Variants in CCDC144A observed in about 807,000 individuals in gnomAD.
CCDC144A encodes coiled-coil domain-containing protein 144A.
CCDC144A carries 41 observed loss-of-function variants against 143.8 expected under a neutral mutation model. The ratio of observed to expected loss-of-function variants is 0.29; its 90% CI spans 0.22 to 0.37. CCDC144A has a LOEUF of 0.37. CCDC144A is among the 10% of genes least tolerant of loss of function. The pLI is 1.00. For missense variants in CCDC144A, 637 were observed against 1,488.8 expected (o/e 0.43, Z 9.41); for synonymous variants, 242 against 517.9 (o/e 0.47, Z 7.23).
At chr17:16,716,776 G>T (rs2143160076) in intron 6 of CCDC144A, among the ~76,000 whole-genome samples, 1 of 150,370 alleles carries the variant, frequency 6.7e-6, no homozygotes, top group East Asian at 1.9e-4. Context: ...AGTTTCATGT[G>T]TGAGAGTCAT....
At chr17:16,669,633 T>G in the CCDC144A span, among the ~76,000 whole-genome samples, 1 of 152,206 alleles carries the variant, frequency 6.6e-6, no homozygotes, top group African/African-American at 2.4e-5. Flanking sequence ...AGGTAGATAG[T>G]GTGACTAACC....
At chr17:16,703,619 A>G (rs1227045199) in intron 2 of CCDC144A, among the ~76,000 whole-genome samples, 3 of 151,978 alleles carry the variant, frequency 2.0e-5, no homozygotes, top group South Asian at 2.1e-4. Flanking sequence ...CCTGGCTAAC[A>G]CGGTGAAACC....
At chr17:16,671,939 C>G in the CCDC144A span, among the ~76,000 whole-genome samples, 222 of 152,134 alleles carry the variant, frequency 1.5e-3, 1 homozygote, top group African/African-American at 5.1e-3. Context: ...GTTAAAGGAT[C>G]TATAAATGAT....
chr17:16,718,932 G>A lies in CCDC144A; in HGVS notation c.1716-1266G>A, dbSNP rs3114300. Among the ~76,000 whole-genome samples the A allele has an allele frequency of 6.6e-3, 742 of 111,956 alleles. 6 individuals carry two copies. Among genetic ancestry groups the A allele is most frequent in the African/African-American group, 0.017 (381 of 22,106 alleles). 73.4% of individuals were successfully genotyped at this position (111,956 alleles called of 152,430 possible). On this transcript the variant is annotated intron_variant, in intron 6 of 16. Transcript: ENST00000399273. ...CTGCAACCTCCACTTCCCAGGTTCA[G>A]GCGATTCTCCTGTCTCAGCCTCCTG...
chr17:16,753,699 G>A (rs2173559), intron 12 of CCDC144A, among the ~76,000 whole-genome samples: 3 of 152,154 alleles, frequency 2.0e-5, no homozygotes, highest in Non-Finnish European at 4.4e-5. Context: ...CTGTATATGA[G>A]ATCAGGTCAT....
chr17:16,711,843 G>A lies in CCDC144A; in HGVS notation c.1715+28G>A. On this transcript the variant is annotated intron_variant, in intron 6 of 16. Coordinates refer to ENST00000399273, the MANE Select transcript of CCDC144A (RefSeq NM_001382000.1). ...AAGCCTATAGCAGCGTTTAACAGGA[G>A]ACAATTGGTCAAGCGTGGTGGCTCA... 1.9e-6 allele frequency: 3 copies of A among 1,577,466 alleles called. No individual in the cohort carries two copies. The Admixed American group carries it at 5.7e-5, about 30-fold the overall frequency.
intron 6 of CCDC144A, among the ~76,000 whole-genome samples, chr17:16,716,812 GTTT>G (rs1281244236): frequency 2.3e-5 from 3 of 131,222 alleles, no homozygotes; most frequent in Non-Finnish European, 3.3e-5. Context: ...GATTCCAGCT[GTTT>G]TTTTTTTTTT....
intron 12 of CCDC144A, among the ~76,000 whole-genome samples, 195 bp from the exon 13 acceptor site, chr17:16,761,230 C>T (rs1312820995): frequency 3.3e-5 from 5 of 151,938 alleles, no homozygotes; most frequent in African/African-American, 7.3e-5. Context: ...CCCAGCTACT[C>T]CAGCTACGCA....
chr17:16,753,563 G>A (rs959151008), intron 12 of CCDC144A, among the ~76,000 whole-genome samples: 6 of 149,016 alleles, frequency 4.0e-5, no homozygotes, highest in African/African-American at 1.5e-4. Context: ...TATGCTAGTT[G>A]ATTATTAGTG....
chr17:16,746,076 G>A, intron 12 of CCDC144A: 1 of 1,607,738 alleles, frequency 6.2e-7, no homozygotes, highest in Non-Finnish European at 8.5e-7. Flanking sequence ...CTCCTTCAGC[G>A]AGCCTTCCAC....
chr17:16,777,619 T>C lies in CCDC144A; in HGVS notation c.*3986T>C, dbSNP rs544805610. ...AACCTACTCCTGAATGATTGTTGGGTCAACAATGATATCAAGAGGGAAATT... is the reference window on the plus strand; with the variant it reads ...AACCTACTCCTGAATGATTGTTGGGCCAACAATGATATCAAGAGGGAAATT... On this transcript the variant is annotated 3_prime_UTR_variant, in exon 17 of 17. Transcript: ENST00000399273. The C allele has an allele frequency of 7.3e-6, 1 of 136,924 alleles. No individual in the cohort carries two copies. The highest frequency in any genetic ancestry group is 2.6e-4 in the South Asian group (1 of 3,888). 8.5% of individuals were successfully genotyped at this position (136,924 alleles called of 1,614,324 possible).
chr17:16,709,468 C>T lies in CCDC144A; in HGVS notation c.1411C>T (p.Pro471Ser), dbSNP rs1339248554. Residue 471 changes from proline to serine, a missense_variant, in exon 5 of 17, where the codon CCT (proline) becomes TCT (serine). Transcript: ENST00000399273. ...GSTNNYKSLKPKLENLSSLPP... is the reference protein window; with the variant it reads ...GSTNNYKSLKSKLENLSSLPP... ...TACAAACAACTATAAAAGCCTGAAA[C>T]CTAAATTAGAAAATCTGAGTTCTTT... The T allele has an allele frequency of 1.2e-6, 2 of 1,611,472 alleles. No homozygotes were observed. The highest frequency in any genetic ancestry group is 2.3e-4 in the Middle Eastern group (1 of 4,428).
intron 9 of CCDC144A, among the ~76,000 whole-genome samples, chr17:16,729,254 G>GT: frequency 6.6e-6 from 1 of 152,248 alleles, no homozygotes; most frequent in Non-Finnish European, 1.5e-5. Context: ...AACATCTATT[G>GT]TTTTTTGACT....
chr17:16,761,721 T>A lies in CCDC144A; in HGVS notation c.3666+3T>A. On this transcript the variant is annotated splice_donor_region_variant and intron_variant, in intron 13 of 16. Transcript: ENST00000399273. ...ACGAAGCCATTCTCACCTTGCAGGT[T>A]GGTTTATTTATCTGTAATGTGCTTT... 1.2e-6 allele frequency: 2 copies of A among 1,607,002 alleles called. No individual in the cohort carries two copies. The highest frequency in any genetic ancestry group is 1.7e-6 in the Non-Finnish European group (2 of 1,178,462).
chr17:16,683,858 T>C, the CCDC144A span: 3 of 1,395,256 alleles, frequency 2.2e-6, no homozygotes, highest in Non-Finnish European at 2.0e-6. Context: ...CACGTTTTCC[T>C]ACATGGGAGA....
At position 16,719,669 on chromosome 17, in the gene CCDC144A, G is replaced by A. The variant is rs1244107931; in HGVS notation, c.1716-529G>A. On this transcript the variant is annotated intron_variant, in intron 6 of 16. Coordinates refer to ENST00000399273, the MANE Select transcript of CCDC144A (RefSeq NM_001382000.1). ...GTTACTGACCTCACAGAATTGTTAT[G>A]AGGATTATATGAGTTTGACACATGG... Among the ~76,000 whole-genome samples, 13 of 151,874 alleles carry A rather than the reference G, an allele frequency of 8.6e-5. No homozygotes were observed. In the East Asian group the frequency reaches 2.5e-3, roughly 29 times the overall value.
intron 12 of CCDC144A, among the ~76,000 whole-genome samples, chr17:16,738,430 A>G (rs1387899427): frequency 1.4e-5 from 2 of 143,700 alleles, no homozygotes; most frequent in Non-Finnish European, 3.0e-5. Flanking sequence ...CATAACCATC[A>G]CCATCATCAA....
In CCDC144A at chr17:16,773,759, A is replaced by G. The variant is rs1915913437; in HGVS notation, c.*126A>G. On this transcript the variant is annotated 3_prime_UTR_variant, in exon 17 of 17. Transcript: ENST00000399273. The stretch of plus-strand genomic sequence containing the variant: ...CATGTCTGATGAAAATTTATATAGT[A>G]TTTTAAATAATGTTTCTTGGCCTCT... 1.7e-6 allele frequency: 2 copies of G among 1,183,528 alleles called. No homozygotes were observed. The highest frequency in any genetic ancestry group is 3.4e-5 in the Admixed American group (1 of 29,118). 73.3% of individuals were successfully genotyped at this position (1,183,528 alleles called of 1,614,324 possible).
chr17:16,684,439 G>A, the CCDC144A span, among the ~76,000 whole-genome samples: 4 of 151,984 alleles, frequency 2.6e-5, no homozygotes, highest in Admixed American at 6.6e-5. Flanking sequence ...ATGGATCACG[G>A]GGTCAGGAGT....
Sources: gnomAD v4.1 joint callset for allele counts (sites outside exome capture counted in the v4.1 genomes callset) on GRCh38, gnomAD v4.1.1 for gene constraint, MANE v1.5 for transcripts, NCBI Gene and HGNC (gene_info 2026-07-23, HGNC 2026-07-21) for gene names.